Variants in ENTPD1 observed in about 807,000 individuals in gnomAD.
ENTPD1 encodes ATP diphosphohydrolase.
Under a neutral mutation model 57.0 loss-of-function variants are expected in ENTPD1, and 33 were observed. That is an observed-to-expected ratio of 0.58 (90% CI 0.44 to 0.77). The LOEUF is 0.77. Among genes scored for constraint, ENTPD1 ranks in the 30% least tolerant of loss-of-function variants. ENTPD1 has a pLI of 0.00. For missense variants in ENTPD1, 501 were observed against 603.4 expected, an observed-to-expected ratio of 0.83 and a Z score of 1.78; for synonymous variants, 202 against 218.8, an observed-to-expected ratio of 0.92 and a Z score of 0.68.
In ENTPD1 at chr10:95,868,994, A is replaced by C; in HGVS notation, c.*2611A>C. On this transcript the variant is annotated 3_prime_UTR_variant, in exon 10 of 10. Transcript: ENST00000371205. ...AGGTTGGTTTAGAGGCAGATCCAGC[A>C]ATCTGCTTTGGGCCACTCTGGGTGG... The C allele has an allele frequency of 1.0e-6, 1 of 985,342 alleles. No individual in the cohort carries two copies. The highest frequency in any genetic ancestry group is 1.2e-6 in the Non-Finnish European group (1 of 829,926). The allele number at this position is 985,342 out of a possible 1,614,324, so 61.0% of individuals were successfully genotyped here.
chr10:95,777,557 G>A (rs2140151736), intron 1 of ENTPD1, among the ~76,000 whole-genome samples: 1 of 152,354 alleles, frequency 6.6e-6, no homozygotes, highest in East Asian at 1.9e-4. Context: ...CCTGTATGAA[G>A]AGTCAGCTGG....
At chr10:95,793,213 T>G (rs2861151) in intron 1 of ENTPD1, among the ~76,000 whole-genome samples, 40,924 of 152,148 alleles carry the variant, frequency 0.27, 6,352 homozygotes, top group Admixed American at 0.38. Flanking sequence ...CTAGGACTGC[T>G]TCTAAAAAGC....
At chr10:95,741,932 C>G (rs1354529854) in intron 1 of ENTPD1, among the ~76,000 whole-genome samples, 2 of 152,166 alleles carry the variant, frequency 1.3e-5, no homozygotes, top group African/African-American at 4.8e-5. Context: ...GAACAGGAGG[C>G]CTGATTTTGG....
the ENTPD1 span, among the ~76,000 whole-genome samples, chr10:95,694,424 A>ATT: frequency 0.37 from 54,814 of 149,250 alleles, 10,756 homozygotes; most frequent in East Asian, 0.71. Context: ...GCTTTTTTAA[A>ATT]AAAAAAAAAA....
At chr10:95,712,969 G>T (rs1485913531) in intron 1 of ENTPD1, among the ~76,000 whole-genome samples, 1 of 151,694 alleles carries the variant, frequency 6.6e-6, no homozygotes, top group African/African-American at 2.4e-5. Flanking sequence ...GGGAGGCGGA[G>T]CTTGCAGCGA....
chr10:95,830,132 C>T (rs1179306391), intron 2 of ENTPD1, among the ~76,000 whole-genome samples: 1 of 152,132 alleles, frequency 6.6e-6, no homozygotes, highest in Non-Finnish European at 1.5e-5. Context: ...ATCAAGTATT[C>T]AGTGATAGCA....
At chr10:95,815,884 G>A (rs147703213) in intron 1 of ENTPD1, among the ~76,000 whole-genome samples, 1 of 152,190 alleles carries the variant, frequency 6.6e-6, no homozygotes, top group Admixed American at 6.5e-5. Context: ...AACAAACAAC[G>A]TGTTTAGCTG....
chr10:95,860,571 C>T lies in ENTPD1; in HGVS notation c.1177C>T (p.Pro393Ser). ...TEMMKKFCAQ[P>S]WEEIKTSYAG... ...GATGATGAAAAAGTTCTGTGCTCAG[C>T]CTTGGGAGGAGGTAAGTGACTAGGC... is the stretch of plus-strand genomic sequence containing the variant. The change falls in exon 8 of 10, where the codon CCT becomes TCT. Residue 393 changes from proline to serine, a missense_variant. Transcript: ENST00000371205. 1 of 1,613,462 alleles carries T rather than the reference C, an allele frequency of 6.2e-7. No individual in the cohort carries two copies. The highest frequency in any genetic ancestry group is 1.1e-5 in the South Asian group (1 of 91,052).
chr10:95,727,663 C>T (rs979744628), intron 1 of ENTPD1, among the ~76,000 whole-genome samples: 21 of 152,136 alleles, frequency 1.4e-4, no homozygotes, highest in Admixed American at 1.4e-3. Flanking sequence ...TATATGCTTG[C>T]ATTACTTTTC....
chr10:95,876,584 A>G lies in ENTPD1; in HGVS notation c.*10201A>G, dbSNP rs2098486010. The G allele has an allele frequency of 5.7e-6, 7 of 1,230,648 alleles. No individual in the cohort carries two copies. The Middle Eastern group carries it at 1.2e-3, about 218-fold the overall frequency. The allele number at this position is 1,230,648 out of a possible 1,614,324, so 76.2% of individuals were successfully genotyped here. A position where few individuals can be genotyped will look rare whatever the true frequency, so the allele number is the denominator to read the frequency against. ...GAAGATGGAAGTCTACATGGAGAAT[A>G]CAGGATGAATCCACTCTGTCTCCTG... On this transcript the variant is annotated 3_prime_UTR_variant, in exon 10 of 10. Transcript: ENST00000371205.
intron 1 of ENTPD1, among the ~76,000 whole-genome samples, chr10:95,750,298 A>C (rs1175678616): frequency 6.6e-6 from 1 of 152,116 alleles, no homozygotes; most frequent in African/African-American, 2.4e-5. Context: ...TCATGTTGAA[A>C]TGTGATCCCC....
intron 6 of ENTPD1, 193 bp downstream of exon 6, chr10:95,845,789 G>A (rs950736388): frequency 1.3e-6 from 1 of 783,872 alleles, no homozygotes; most frequent in South Asian, 1.7e-5. Context: ...CCCCTCCCAT[G>A]TTTGTTTACT....
intron 1 of ENTPD1, among the ~76,000 whole-genome samples, chr10:95,721,937 C>T (rs1464367430): frequency 6.6e-6 from 1 of 152,160 alleles, no homozygotes; most frequent in African/African-American, 2.4e-5. Flanking sequence ...CCAACATTGC[C>T]TTTGTGCTCA....
intron 1 of ENTPD1, among the ~76,000 whole-genome samples, chr10:95,731,802 T>TTTTTTTTTTA: frequency 7.1e-6 from 1 of 140,084 alleles, no homozygotes; most frequent in Admixed American, 7.2e-5. Flanking sequence ...TTTTTTTTTT[T>TTTTTTTTTTA]GACAGAGTCT....
In ENTPD1 at chr10:95,872,346, T is replaced by C; in HGVS notation, c.*5963T>C. On this transcript the variant is annotated 3_prime_UTR_variant, in exon 10 of 10. Coordinates refer to ENST00000371205, the MANE Select transcript of ENTPD1 (RefSeq NM_001776.6). ...TGGCCGCCAGCTCTCTCCAGGCTCA[T>C]ATCCCACTCCACTCCTCTGATGTTT... 1 of 985,424 alleles carries C rather than the reference T, an allele frequency of 1.0e-6. No individual in the cohort carries two copies. Among genetic ancestry groups the C allele is most frequent in the Non-Finnish European group, 1.2e-6 (1 of 829,928 alleles). The allele number at this position is 985,424 out of a possible 1,614,324, so 61.0% of individuals were successfully genotyped here.
At chr10:95,778,035 C>G (rs768017283) in intron 1 of ENTPD1, among the ~76,000 whole-genome samples, 1 of 152,124 alleles carries the variant, frequency 6.6e-6, no homozygotes, top group Non-Finnish European at 1.5e-5. Context: ...TCCTGTTTTT[C>G]CAGGTACCAT....
intron 1 of ENTPD1, among the ~76,000 whole-genome samples, chr10:95,733,109 A>C (rs1028294624): frequency 1.3e-5 from 2 of 152,180 alleles, no homozygotes; most frequent in Admixed American, 6.5e-5. Context: ...CTTATCTTCA[A>C]CCATAAAAGA....
At chr10:95,707,442 T>C (rs1433652072), upstream of ENTPD1, among the ~76,000 whole-genome samples, 1 of 152,204 alleles carries the variant, frequency 6.6e-6, no homozygotes, top group Non-Finnish European at 1.5e-5. Flanking sequence ...CAGCGGGGCC[T>C]CCCTGCTGCA....
chr10:95,763,302 A>C (rs1589718764), intron 1 of ENTPD1, among the ~76,000 whole-genome samples: 2 of 152,298 alleles, frequency 1.3e-5, no homozygotes, highest in Admixed American at 1.3e-4. Context: ...CGTTTTCTAA[A>C]TAGTTTGACA....
Sources: allele counts gnomAD v4.1 joint callset (sites outside exome capture counted in the v4.1 genomes callset), GRCh38; gene constraint gnomAD v4.1.1; transcripts MANE v1.5; gene names NCBI Gene and HGNC (gene_info 2026-07-23, HGNC 2026-07-21).